Variants in GBP7 observed in about 807,000 individuals in gnomAD.
GBP7 encodes guanylate binding protein 7.
A neutral mutation model predicts 61.3 loss-of-function variants in GBP7; 43 were observed. The observed-to-expected ratio is 0.70, with a 90% CI of 0.55 to 0.91. GBP7 has a LOEUF of 0.91. GBP7 is among the 40% of genes least tolerant of loss of function. The pLI is 0.00. For synonymous variants in GBP7, 267 were observed against 271.0 expected (o/e 0.99, Z 0.14); for missense variants, 717 against 740.5 (o/e 0.97, Z 0.37).
intron 9 of GBP7, among the ~76,000 whole-genome samples, chr1:89,138,360 C>T (rs1042099501): frequency 6.6e-6 from 1 of 152,092 alleles, no homozygotes; most frequent in Non-Finnish European, 1.5e-5. Context: ...GTAGCCAAGG[C>T]ACTCCTAAGC....
Position 89,149,570 on chromosome 1 carries a change from G to A in GBP7, c.874C>T (p.Leu292=). The A allele has an allele frequency of 6.2e-7, 1 of 1,603,520 alleles. No homozygotes were observed. The highest frequency in any genetic ancestry group is 1.3e-5 in the African/African-American group (1 of 74,832). ...REGILVTGNR[L]GMLVETYLDA... is the part of the protein sequence containing the mutation. ...AGGTAGGTCTCCACCAGCATCCCCA[G>A]CCCTGAATGATTTAGGAAATTTAGG... is the stretch of plus-strand genomic sequence containing the variant. Residue 292 remains leucine (L), a splice_region_variant and synonymous_variant, in exon 7 of 11, where the codon CTG becomes TTG. Coordinates refer to ENST00000294671, the MANE Select transcript of GBP7 (RefSeq NM_207398.3).
At chr1:89,161,131 T>G (rs1298074623) in intron 3 of GBP7, among the ~76,000 whole-genome samples, 1 of 152,226 alleles carries the variant, frequency 6.6e-6, no homozygotes, top group Non-Finnish European at 1.5e-5. Context: ...TATGGCTGCA[T>G]AGTATTCCAT....
Position 89,164,743 on chromosome 1 carries a change from A to T in GBP7, c.306T>A (p.Gly102=), listed in dbSNP as rs748918178. 1.2e-6 allele frequency: 2 copies of T among 1,613,738 alleles called. No individual in the cohort carries two copies. The highest frequency in any genetic ancestry group is 1.3e-5 in the African/African-American group (1 of 74,986). ...GTCTCTTTCTTACCTTTTCCATATCACCCAGGCCCTCCGTGTCCAGAAGGA... is the reference window on the plus strand; with the variant it reads ...GTCTCTTTCTTACCTTTTCCATATCTCCCAGGCCCTCCGTGTCCAGAAGGA... ...TLILLDTEGL[G]DMEKSDPKSD... Residue 102 remains glycine (G), a synonymous_variant, in exon 3 of 11, where the codon GGT becomes GGA. Coordinates refer to ENST00000294671, the MANE Select transcript of GBP7 (RefSeq NM_207398.3).
chr1:89,145,823 CATAAA>C (rs796412701), intron 8 of GBP7, among the ~76,000 whole-genome samples: 23 of 152,026 alleles, frequency 1.5e-4, no homozygotes, highest in African/African-American at 5.5e-4. Flanking sequence ...CTGAAGAAGA[CATAAA>C]ATAAATGGAG....
At chr1:89,135,032 G>T (rs576243712) in intron 9 of GBP7, among the ~76,000 whole-genome samples, 2 of 152,236 alleles carry the variant, frequency 1.3e-5, no homozygotes, top group African/African-American at 4.8e-5. Flanking sequence ...TGAAAAACAT[G>T]CTACAAGAAT....
At chr1:89,144,698 A>T (rs1682026160) in intron 8 of GBP7, among the ~76,000 whole-genome samples, 1 of 152,178 alleles carries the variant, frequency 6.6e-6, no homozygotes, top group African/African-American at 2.4e-5. Flanking sequence ...AATCAAGCTA[A>T]TATATCTGCA....
chr1:89,159,286 AG>A (rs1682381786), intron 3 of GBP7, among the ~76,000 whole-genome samples: 1 of 152,230 alleles, frequency 6.6e-6, no homozygotes, highest in South Asian at 2.1e-4. Flanking sequence ...AATACCATTC[AG>A]GACATAGGCA....
intron 6 of GBP7, among the ~76,000 whole-genome samples, chr1:89,150,096 A>G (rs1682157719): frequency 6.6e-6 from 1 of 152,188 alleles, no homozygotes; most frequent in African/African-American, 2.4e-5. Context: ...TGAATTTTGT[A>G]TCTCAAAATC....
chr1:89,136,893 G>T (rs1298209067), intron 9 of GBP7, among the ~76,000 whole-genome samples: 1 of 151,690 alleles, frequency 6.6e-6, no homozygotes, highest in African/African-American at 2.4e-5. Flanking sequence ...ACATAAGATG[G>T]ATATACTTCT....
At chr1:89,145,210 C>T (rs1215110491) in intron 8 of GBP7, among the ~76,000 whole-genome samples, 1 of 152,128 alleles carries the variant, frequency 6.6e-6, no homozygotes, top group Admixed American at 6.5e-5. Context: ...CTCAGCCTCC[C>T]AAAGTGCTGG....
At chr1:89,165,821 A>G (rs1256911645) in intron 2 of GBP7, among the ~76,000 whole-genome samples, 1 of 152,108 alleles carries the variant, frequency 6.6e-6, no homozygotes, top group Non-Finnish European at 1.5e-5. Context: ...AATGCAGATG[A>G]TGGGTTGATG....
chr1:89,159,470 A>G (rs1300138270), intron 3 of GBP7, among the ~76,000 whole-genome samples: 1 of 152,220 alleles, frequency 6.6e-6, no homozygotes, highest in Non-Finnish European at 1.5e-5. Flanking sequence ...CATCTGACAA[A>G]GGGCTAATGT....
chr1:89,152,415 G>T lies in GBP7; in HGVS notation c.478C>A (p.Pro160Thr), dbSNP rs756373704. Residue 160 changes from proline (P) to threonine (T), a missense_variant, in exon 5 of 11, where the codon CCT (proline) becomes ACT (threonine). Pro to Thr is a conservative substitution (Grantham distance 38, BLOSUM62 -1). Around this residue, in one of 3 missense-constraint regions of GBP7, gnomAD observed 387 missense variants for 385.2 expected, o/e 1.00. Coordinates refer to ENST00000294671, the MANE Select transcript of GBP7 (RefSeq NM_207398.3). ...TCGCTGGAGTCCTCAACTTCATCAG[G>T]TCTGGGGCACGATTTTGCCCTGATT... The part of the protein sequence containing the change: ...ELIRAKSCPR[P>T]DEVEDSSEFV... 5.6e-6 allele frequency: 9 copies of T among 1,614,146 alleles called. No homozygotes were observed. Among genetic ancestry groups the T allele is most frequent in the Non-Finnish European group, 7.6e-6 (9 of 1,180,018 alleles).
intron 8 of GBP7, among the ~76,000 whole-genome samples, chr1:89,142,030 A>G (rs1352330711): frequency 6.6e-6 from 1 of 152,212 alleles, no homozygotes; most frequent in African/African-American, 2.4e-5. Flanking sequence ...GATAACATCT[A>G]TTGATACTTT....
At chr1:89,138,347 C>A (rs951548397) in intron 9 of GBP7, among the ~76,000 whole-genome samples, 1 of 151,942 alleles carries the variant, frequency 6.6e-6, no homozygotes, top group Non-Finnish European at 1.5e-5. Flanking sequence ...AAAAAAACCC[C>A]GAGTAGCCAA....
In GBP7 at chr1:89,132,208, T is replaced by G. The variant is rs749343397; in HGVS notation, c.1858A>C (p.Lys620Gln). The G allele has an allele frequency of 1.2e-6, 2 of 1,613,174 alleles. No individual in the cohort carries two copies. Among genetic ancestry groups the G allele is most frequent in the South Asian group, 1.1e-5 (1 of 90,988 alleles). ...CTATTACATAATGAGCTAAGAATTT[T>G]CATTCCTAAATCAACTAGCTTAGCA... The part of the protein sequence containing the change: ...GAAKLVDLGM[K>Q]ILSSLCNRLR... The change falls in exon 11 of 11, where the codon AAA becomes CAA. Residue 620 changes from lysine to glutamine, a missense_variant. This residue lies in a region of GBP7 where 312 missense variants were observed against 310.1 expected (regional missense o/e 1.01). Coordinates refer to ENST00000294671, the MANE Select transcript of GBP7 (RefSeq NM_207398.3).
At chr1:89,168,784 C>T (rs1570362776) in intron 2 of GBP7, among the ~76,000 whole-genome samples, 1 of 143,556 alleles carries the variant, frequency 7.0e-6, no homozygotes, top group Admixed American at 6.8e-5. Context: ...AAAATACAAA[C>T]AACAACAACA....
chr1:89,171,973 A>C lies in GBP7; in HGVS notation c.-19-19T>G, dbSNP rs1294469911. 2 of 1,533,556 alleles carry C rather than the reference A, an allele frequency of 1.3e-6. No homozygotes were observed. The highest frequency in any genetic ancestry group is 1.8e-6 in the Non-Finnish European group (2 of 1,113,090). 95.0% of individuals were successfully genotyped at this position (1,533,556 alleles called of 1,614,324 possible). ...CCTCTGTCTGCAAGGAAAAAATGAA[A>C]TGGAAAGTAATGTCTGGTAAGTCAG... On this transcript the variant is annotated intron_variant, in intron 1 of 10. Coordinates refer to ENST00000294671, the MANE Select transcript of GBP7 (RefSeq NM_207398.3).
At chr1:89,148,102 GA>G (rs1682110250) in intron 7 of GBP7, among the ~76,000 whole-genome samples, 1 of 152,224 alleles carries the variant, frequency 6.6e-6, no homozygotes. Context: ...TGTGCACACA[GA>G]AAATCAACCC....
Sources: gnomAD v4.1 joint callset for allele counts (sites outside exome capture counted in the v4.1 genomes callset) on GRCh38, gnomAD v4.1.1 for gene constraint, gnomAD v4.1.1 regional missense constraint, MANE v1.5 for transcripts, NCBI Gene and HGNC (gene_info 2026-07-23, HGNC 2026-07-21) for gene names.